Variants in PAK5 observed in about 807,000 individuals in gnomAD.
The protein encoded by PAK5 is p21 (RAC1) activated kinase 5, also known as serine/threonine-protein kinase PAK 5.
Under a neutral mutation model 65.9 loss-of-function variants are expected in PAK5, and 16 were observed. The observed-to-expected ratio is 0.24, with a 90% confidence interval of 0.16 to 0.37. The LOEUF is 0.37. Ranked by LOEUF, PAK5 falls within the 10% of genes least tolerant of loss-of-function variation. PAK5 has a pLI of 1.00. For missense variants in PAK5, 785 were observed against 903.9 expected (o/e 0.87, Z 1.69); for synonymous variants, 371 against 354.9 (o/e 1.05, Z -0.51).
intron 1 of PAK5, among the ~76,000 whole-genome samples, chr20:9,761,468 T>C (rs181660033): frequency 1.3e-5 from 2 of 152,318 alleles, no homozygotes; most frequent in East Asian, 3.9e-4. Context: ...CTGCACAATC[T>C]ATAGATTCAA....
chr20:9,586,272 C>A (rs2046068115), intron 3 of PAK5, among the ~76,000 whole-genome samples: 1 of 152,092 alleles, frequency 6.6e-6, no homozygotes, highest in South Asian at 2.1e-4. Flanking sequence ...AAAAATCATT[C>A]CCTGTGTGAT....
intron 1 of PAK5, among the ~76,000 whole-genome samples, chr20:9,738,818 TTGTGTGTG>T (rs35705495): frequency 2.7e-5 from 4 of 150,124 alleles, no homozygotes; most frequent in African/African-American, 9.8e-5. Flanking sequence ...TATGGGCAGT[TTGTGTGTG>T]TGTGTGTGTG....
chr20:9,597,469 A>G (rs767793499), intron 3 of PAK5, among the ~76,000 whole-genome samples: 8 of 152,210 alleles, frequency 5.3e-5, no homozygotes, highest in Non-Finnish European at 1.0e-4. Flanking sequence ...ACATGAGCAC[A>G]TCCTGTCACA....
chr20:9,633,856 A>G (rs2046952943), intron 3 of PAK5, among the ~76,000 whole-genome samples: 1 of 152,214 alleles, frequency 6.6e-6, no homozygotes, highest in South Asian at 2.1e-4. Context: ...AGATCTAACC[A>G]TTGGTGGTAA....
intron 1 of PAK5, among the ~76,000 whole-genome samples, chr20:9,775,532 G>T (rs1381405471): frequency 6.6e-6 from 1 of 152,128 alleles, no homozygotes; most frequent in Non-Finnish European, 1.5e-5. Flanking sequence ...TATTATCACA[G>T]TTTTATTTTT....
intron 1 of PAK5, among the ~76,000 whole-genome samples, chr20:9,778,553 T>C (rs984177877): frequency 6.6e-6 from 1 of 152,158 alleles, no homozygotes; most frequent in African/African-American, 2.4e-5. Context: ...TTTGGGAGAT[T>C]TTAGATTACA....
At position 9,580,343 on chromosome 20, in the gene PAK5, A is replaced by G. The variant is rs1168285385; in HGVS notation, c.792T>C (p.Tyr264=). 1 of 1,613,990 alleles carries G rather than the reference A, an allele frequency of 6.2e-7. No homozygotes were observed. The highest frequency in any genetic ancestry group is 1.3e-5 in the African/African-American group (1 of 74,884). Reference sequence around the variant, plus strand: ...GGTACGAAGACTTTGGCCTCCTGTCATAGTCATCCAGGCTGGGTCCCCATT... The same window carrying G: ...GGTACGAAGACTTTGGCCTCCTGTCGTAGTCATCCAGGCTGGGTCCCCATT... ...ESEWGPSLDD[Y]DRRPKSSYLN... is the part of the protein sequence containing the mutation. Residue 264 remains tyrosine, a synonymous_variant, in exon 4 of 10, where the codon TAT becomes TAC. Coordinates refer to ENST00000353224, the MANE Select transcript of PAK5 (RefSeq NM_177990.4).
intron 1 of PAK5, among the ~76,000 whole-genome samples, chr20:9,829,560 T>C (rs1483159018): frequency 7.9e-5 from 12 of 152,160 alleles, no homozygotes; most frequent in African/African-American, 2.7e-4. Context: ...TCACAAAAAG[T>C]ATAATCTATT....
chr20:9,578,473 C>A (rs935862287), intron 4 of PAK5, among the ~76,000 whole-genome samples: 4 of 152,146 alleles, frequency 2.6e-5, no homozygotes, highest in Admixed American at 2.6e-4. Flanking sequence ...CCAAATAAGG[C>A]TCCAGGACCA....
chr20:9,659,443 G>T (rs1051935070), intron 2 of PAK5, among the ~76,000 whole-genome samples: 2 of 152,134 alleles, frequency 1.3e-5, no homozygotes, highest in African/African-American at 4.8e-5. Context: ...CAACTGCAAT[G>T]GTGTTCGACT....
intron 1 of PAK5, among the ~76,000 whole-genome samples, chr20:9,747,707 T>A (rs1444788201): frequency 6.6e-6 from 1 of 152,006 alleles, no homozygotes; most frequent in Non-Finnish European, 1.5e-5. Context: ...GAGCTATCTA[T>A]GAAAAACCCA....
chr20:9,636,222 TATAGCTCTAA>T (rs1273002709), intron 3 of PAK5, among the ~76,000 whole-genome samples: 3 of 152,136 alleles, frequency 2.0e-5, no homozygotes, highest in African/African-American at 7.2e-5. Flanking sequence ...AGAAAAATGA[TATAGCTCTAA>T]ATACAATGCA....
chr20:9,638,416 T>C (rs915397935), intron 3 of PAK5, among the ~76,000 whole-genome samples: 30 of 152,326 alleles, frequency 2.0e-4, no homozygotes, highest in Middle Eastern at 3.4e-3. Flanking sequence ...ACAAGCTAAC[T>C]TGTGGCTTCT....
At chr20:9,686,403 GT>G (rs2047719771) in intron 2 of PAK5, among the ~76,000 whole-genome samples, 1 of 151,932 alleles carries the variant, frequency 6.6e-6, no homozygotes, top group Admixed American at 6.6e-5. Flanking sequence ...TTTTTGTTTT[GT>G]TTTATTTTGA....
intron 1 of PAK5, among the ~76,000 whole-genome samples, chr20:9,737,793 CT>C (rs2048406251): frequency 6.6e-6 from 1 of 152,070 alleles, no homozygotes; most frequent in South Asian, 2.1e-4. Context: ...TCACTGTGTT[CT>C]TATTAGAATT....
At chr20:9,698,336 GTTAT>G (rs2045414604) in intron 2 of PAK5, among the ~76,000 whole-genome samples, 1 of 152,090 alleles carries the variant, frequency 6.6e-6, no homozygotes, top group South Asian at 2.1e-4. Flanking sequence ...ACTCCATGGA[GTTAT>G]ACTCTTTGGC....
chr20:9,689,956 T>A (rs2047769769), intron 2 of PAK5, among the ~76,000 whole-genome samples: 1 of 152,172 alleles, frequency 6.6e-6, no homozygotes, highest in South Asian at 2.1e-4. Flanking sequence ...ACAGACACCC[T>A]CACATGAAGA....
intron 5 of PAK5, among the ~76,000 whole-genome samples, chr20:9,563,356 G>A (rs941744075): frequency 1.3e-5 from 2 of 152,140 alleles, no homozygotes; most frequent in Non-Finnish European, 2.9e-5. Context: ...ATCTCTAAGG[G>A]TCTCCTTTAG....
At chr20:9,647,396 T>C (rs1012512810) in intron 2 of PAK5, among the ~76,000 whole-genome samples, 1 of 152,238 alleles carries the variant, frequency 6.6e-6, no homozygotes, top group African/African-American at 2.4e-5. Flanking sequence ...TTTTTAAAAA[T>C]GCAAGATGGA....
Sources: gnomAD v4.1 joint callset for allele counts (sites outside exome capture counted in the v4.1 genomes callset) on GRCh38, gnomAD v4.1.1 for gene constraint, MANE v1.5 for transcripts, NCBI Gene and HGNC (gene_info 2026-07-23, HGNC 2026-07-21) for gene names.